ANKRD13A: variants seen among roughly 807,000 people sequenced by gnomAD.
ANKRD13A encodes ankyrin repeat domain 13A.
In ANKRD13A, 48 loss-of-function variants were observed where a neutral mutation model predicts 81.3. That is an observed-to-expected ratio of 0.59 (90% confidence interval 0.47 to 0.75). The LOEUF (loss-of-function observed/expected upper bound fraction) is 0.75, where lower values mean the gene tolerates loss of function less well. Among genes scored for constraint, ANKRD13A ranks in the 30% least tolerant of loss-of-function variants. The probability of loss-of-function intolerance (pLI) is 0.00; values close to 1 mark genes in which losing one functional copy is unlikely to be tolerated. For synonymous variants in ANKRD13A, 230 were observed against 270.1 expected, an observed-to-expected ratio of 0.85 and a Z score of 1.45; for missense variants, 612 against 734.0, an observed-to-expected ratio of 0.83 and a Z score of 1.92.
At chr12:110,020,383 A>G (rs1249507171) in intron 6 of ANKRD13A, among the ~76,000 whole-genome samples, 2 of 152,250 alleles carry the variant, frequency 1.3e-5, no homozygotes, top group African/African-American at 4.8e-5. Context: ...AAATGTGTTT[A>G]GTCAAGCATA....
chr12:110,014,493 C>G (rs1050258239), intron 3 of ANKRD13A, among the ~76,000 whole-genome samples: 1 of 152,232 alleles, frequency 6.6e-6, no homozygotes, highest in African/African-American at 2.4e-5. Context: ...ATGGACTGCA[C>G]TGAATTGTAT....
At chr12:110,034,989 T>C (rs993039316) in intron 13 of ANKRD13A, among the ~76,000 whole-genome samples, 2 of 152,212 alleles carry the variant, frequency 1.3e-5, no homozygotes, top group Non-Finnish European at 2.9e-5. Context: ...TCTGGTTCTA[T>C]TCCTGAGTCT....
chr12:110,033,220 ATTT>A (rs549997034), intron 12 of ANKRD13A, among the ~76,000 whole-genome samples: 15 of 138,674 alleles, frequency 1.1e-4, no homozygotes, highest in East Asian at 8.3e-4. Flanking sequence ...CGCCCGGCTA[ATTT>A]TTTTTTTTTT....
Position 109,999,880 on chromosome 12 carries a change from G to A in ANKRD13A, c.96+96G>A. 8.7e-7 allele frequency: 1 copy of A among 1,147,760 alleles called. No homozygotes were observed. 71.1% of individuals were successfully genotyped at this position (1,147,760 alleles called of 1,614,324 possible). A position where few individuals can be genotyped will look rare whatever the true frequency, so the allele number is the denominator to read the frequency against. On this transcript the variant is annotated intron_variant, in intron 1 of 14. Coordinates refer to ENST00000261739, the MANE Select transcript of ANKRD13A (RefSeq NM_033121.2). The surrounding 1 kb of genome is among the most constrained non-coding windows in gnomAD (Gnocchi z 4.3). ...AGCCCATTTCCAGCCCTCTGTCCCC[G>A]GGATCCCCAGACCCCTTCCACTTTG...
chr12:110,037,384 A>G lies in ANKRD13A; in HGVS notation c.1603A>G (p.Ser535Gly). 1.2e-6 allele frequency: 2 copies of G among 1,614,192 alleles called. No individual in the cohort carries two copies. Among genetic ancestry groups the G allele is most frequent in the Non-Finnish European group, 1.7e-6 (2 of 1,180,006 alleles). Residue 535 changes from serine to glycine, a missense_variant, in exon 15 of 15, where the codon AGC (serine) becomes GGC (glycine). Coordinates refer to ENST00000261739, the MANE Select transcript of ANKRD13A (RefSeq NM_033121.2). ...ERAIQESLLT[S>G]TEGLCPSALS... ...GGCCATCCAGGAGAGCCTCCTCACC[A>G]GCACAGAAGGCCTGTGCCCCAGCGC...
chr12:110,021,136 T>C, intron 6 of ANKRD13A: 1 of 457,136 alleles, frequency 2.2e-6, no homozygotes, highest in Non-Finnish European at 4.4e-6. Context: ...GCTAACTCTT[T>C]TGCAACTGAC....
At chr12:110,015,799 G>A (rs1474605478) in intron 3 of ANKRD13A, among the ~76,000 whole-genome samples, 5 of 151,540 alleles carry the variant, frequency 3.3e-5, no homozygotes, top group South Asian at 2.1e-4. Context: ...CACCCGCCTC[G>A]GCCTCCCAAA....
At chr12:110,022,932 C>T (rs957963719) in intron 6 of ANKRD13A, among the ~76,000 whole-genome samples, 10 of 152,202 alleles carry the variant, frequency 6.6e-5, no homozygotes, top group Non-Finnish European at 1.2e-4. Flanking sequence ...GCTCTGATCC[C>T]TCCTGTTCTG....
chr12:110,004,192 C>A (rs902967084), intron 1 of ANKRD13A, among the ~76,000 whole-genome samples: 2 of 151,802 alleles, frequency 1.3e-5, no homozygotes, highest in African/African-American at 4.8e-5. Flanking sequence ...GGCTTTTGAG[C>A]AAGAAAAGTG....
At chr12:110,020,756 AG>A (rs1891036859) in intron 6 of ANKRD13A, among the ~76,000 whole-genome samples, 1 of 152,240 alleles carries the variant, frequency 6.6e-6, no homozygotes, top group Non-Finnish European at 1.5e-5. Context: ...GTTCATCCGT[AG>A]GGATGAGATG....
In ANKRD13A at chr12:110,011,998, T is replaced by C. The variant is rs1890549021; in HGVS notation, c.97-7T>C. On this transcript the variant is annotated splice_region_variant and splice_polypyrimidine_tract_variant and intron_variant, in intron 1 of 14. Transcript: ENST00000261739. ...CAATTATGTAAATGCCAGTGTTTCC[T>C]TCACAGAATGTGGAGGCTGTGGACC... 1 of 1,592,512 alleles carries C rather than the reference T, an allele frequency of 6.3e-7. No homozygotes were observed. Among genetic ancestry groups the C allele is most frequent in the Non-Finnish European group, 8.6e-7 (1 of 1,162,320 alleles).
At chr12:110,026,144 G>T (rs1025488000) in intron 8 of ANKRD13A, among the ~76,000 whole-genome samples, 2 of 151,794 alleles carry the variant, frequency 1.3e-5, no homozygotes, top group African/African-American at 4.8e-5. Flanking sequence ...TGTATTTTCA[G>T]TAGAGACGGG....
rs767317833 is a variant in ANKRD13A at position 110,018,471 on chromosome 12, T to A, written c.527T>A (p.Phe176Tyr). The A allele has an allele frequency of 1.2e-6, 2 of 1,614,114 alleles. No homozygotes were observed. The highest frequency in any genetic ancestry group is 1.7e-6 in the Non-Finnish European group (2 of 1,179,986). ...NMSWIRGRRS[F>Y]IFKGEDNWAE... ...AGCTGGATAAGAGGGAGGCGTAGTT[T>A]TATATTTAAGGGAGAAGGTGAGTGA... The change falls in exon 5 of 15, where the codon TTT (phenylalanine) becomes TAT (tyrosine). Residue 176 changes from phenylalanine to tyrosine, a missense_variant. By Grantham distance (22) the Phe-to-Tyr change is conservative (BLOSUM62 3). Transcript: ENST00000261739. The surrounding 1 kb of genome is among the most constrained non-coding windows in gnomAD (Gnocchi z 4.4).
chr12:110,028,042 A>T (rs1266698692), intron 9 of ANKRD13A: 2 of 448,872 alleles, frequency 4.5e-6, no homozygotes, highest in Non-Finnish European at 8.0e-6. Flanking sequence ...AATGGAACTT[A>T]AAAAGGATTC....
chr12:110,031,547 C>A (rs1891692561), intron 12 of ANKRD13A, among the ~76,000 whole-genome samples: 1 of 152,088 alleles, frequency 6.6e-6, no homozygotes, highest in African/African-American at 2.4e-5. Context: ...GACTGGGTTT[C>A]ACCATGTTGG....
chr12:110,029,605 G>A lies in ANKRD13A; in HGVS notation c.1204G>A (p.Glu402Lys), dbSNP rs1464679788. The change falls in exon 11 of 15, where the codon GAA becomes AAA. Residue 402 changes from glutamate to lysine, a missense_variant. Glu to Lys is a moderately conservative substitution (Grantham distance 56). Coordinates refer to ENST00000261739, the MANE Select transcript of ANKRD13A (RefSeq NM_033121.2). ...FARLRDFIKL[E>K]FPPGFPVKIE... is the part of the protein sequence containing the mutation. Reference sequence around the variant, plus strand: ...AAGACTGAGAGATTTCATCAAATTGGAATTCCCACCTGGATTTCCTGTCAA... The same window carrying A: ...AAGACTGAGAGATTTCATCAAATTGAAATTCCCACCTGGATTTCCTGTCAA... The A allele has an allele frequency of 3.1e-6, 5 of 1,613,460 alleles. No homozygotes were observed. Among genetic ancestry groups the A allele is most frequent in the African/African-American group, 1.3e-5 (1 of 74,900 alleles).
chr12:110,032,360 A>AG (rs1891742784), intron 12 of ANKRD13A: 1 of 152,226 alleles, frequency 6.6e-6, no homozygotes, highest in Non-Finnish European at 1.5e-5. Flanking sequence ...AGGAATTAAA[A>AG]GATAGCATTT....
chr12:110,016,242 C>A, intron 3 of ANKRD13A, 146 bp from the exon 4 acceptor site: 1 of 555,970 alleles, frequency 1.8e-6, no homozygotes, highest in Non-Finnish European at 2.8e-6. Flanking sequence ...GCCACCTCAC[C>A]CGGCTAGGGG....
intron 2 of ANKRD13A, among the ~76,000 whole-genome samples, 195 bp downstream of exon 2, chr12:110,012,332 C>T (rs1011137322): frequency 6.6e-6 from 1 of 152,148 alleles, no homozygotes; most frequent in African/African-American, 2.4e-5. Context: ...CGTCACTGCA[C>T]TCCACCCTGG....
Sources: gnomAD v4.1 joint callset for allele counts (sites outside exome capture counted in the v4.1 genomes callset) on GRCh38, gnomAD v4.1.1 for gene constraint, Gnocchi (gnomAD v3.1) non-coding constraint, MANE v1.5 for transcripts, NCBI Gene and HGNC (gene_info 2026-07-23, HGNC 2026-07-21) for gene names.